The following TMEM45A variants were observed in gnomAD, a reference collection of about 807,000 sequenced individuals.
TMEM45A encodes the protein DNA polymerase-transactivated protein 4.
In TMEM45A, 25 loss-of-function variants were observed where a neutral mutation model predicts 32.0. The ratio of observed to expected loss-of-function variants is 0.78; its 90% confidence interval spans 0.57 to 1.09. The LOEUF (loss-of-function observed/expected upper bound fraction) is 1.09, where lower values mean the gene tolerates loss of function less well. TMEM45A is among the 50% of genes least tolerant of loss of function. TMEM45A has a pLI of 0.00. For missense variants in TMEM45A, 302 were observed against 325.0 expected (o/e 0.93, Z 0.54); for synonymous variants, 122 against 114.8 (o/e 1.06, Z -0.40).
At chr3:100,502,971 TCTCCTTCTCCTCTTC>T (rs1708026245) in intron 1 of TMEM45A, among the ~76,000 whole-genome samples, 1 of 151,322 alleles carries the variant, frequency 6.6e-6, no homozygotes, top group Non-Finnish European at 1.5e-5. Context: ...TTCTCCTCCT[TCTCCTTCTCCTCTTC>T]CTCCTTCTCC....
chr3:100,507,382 A>G (rs1410343864), intron 1 of TMEM45A, among the ~76,000 whole-genome samples: 1 of 152,216 alleles, frequency 6.6e-6, no homozygotes, highest in Non-Finnish European at 1.5e-5. Flanking sequence ...TGTAGCCCAG[A>G]TGAATTTGTG....
chr3:100,577,011 A>G lies in TMEM45A; in HGVS notation c.821A>G (p.Glu274Gly), dbSNP rs779245504. The change falls in exon 6 of 6, where the codon GAA (glutamate) becomes GGA (glycine). Residue 274 changes from glutamate to glycine, a missense_variant. By Grantham distance (98) the Glu-to-Gly change is moderately conservative (BLOSUM62 -2). Coordinates refer to ENST00000323523, the MANE Select transcript of TMEM45A (RefSeq NM_018004.3). ...GAACGAGAACAAGAATCAGAAGAAG[A>G]AATGTGACTTTGATGAGCTTCCAGT... ...NAEREQESEE[E>G]M 1 of 1,612,442 alleles carries G rather than the reference A, an allele frequency of 6.2e-7. No individual in the cohort carries two copies. Among genetic ancestry groups the G allele is most frequent in the Non-Finnish European group, 8.5e-7 (1 of 1,179,496 alleles).
rs1403581018 is a variant in TMEM45A at position 100,510,350 on chromosome 3, C to A, written c.-4+17422C>A. Among the ~76,000 whole-genome samples, 785 of 152,302 alleles carry A rather than the reference C, an allele frequency of 5.2e-3. 5 individuals carry two copies. Among genetic ancestry groups the A allele is most frequent in the Non-Finnish European group, 8.0e-3 (544 of 68,030 alleles). On this transcript the variant is annotated intron_variant, in intron 1 of 5. Transcript: ENST00000323523. ...AGCCTAACTGGGAGGCACCCCCCAG[C>A]AGGGGCAGACTGACACCTCACATGG... is the stretch of plus-strand genomic sequence containing the variant.
chr3:100,524,987 G>A (rs1705512698), intron 1 of TMEM45A, among the ~76,000 whole-genome samples: 1 of 152,088 alleles, frequency 6.6e-6, no homozygotes, highest in African/African-American at 2.4e-5. Context: ...CCAGGAGTTG[G>A]AGACAAGTCT....
intron 2 of TMEM45A, 73 bp from the exon 3 acceptor site, chr3:100,556,687 G>C (rs527945200): frequency 7.4e-7 from 1 of 1,352,284 alleles, no homozygotes; most frequent in Non-Finnish European, 1.0e-6. Flanking sequence ...ATAAGCAATG[G>C]ACTAGTCCTC....
chr3:100,515,819 A>G (rs1708253407), intron 1 of TMEM45A, among the ~76,000 whole-genome samples: 1 of 152,142 alleles, frequency 6.6e-6, no homozygotes, highest in Non-Finnish European at 1.5e-5. Flanking sequence ...AGAGAGTAGA[A>G]TGGTGGTTAC....
intron 1 of TMEM45A, among the ~76,000 whole-genome samples, chr3:100,518,272 A>T (rs1397734761): frequency 6.6e-6 from 1 of 152,208 alleles, no homozygotes; most frequent in African/African-American, 2.4e-5. Context: ...TCAAGGGCCC[A>T]TTTCCTCACT....
At chr3:100,557,141 A>C (rs1460252848) in intron 3 of TMEM45A, among the ~76,000 whole-genome samples, 169 bp downstream of exon 3, 1 of 152,236 alleles carries the variant, frequency 6.6e-6, no homozygotes, top group African/African-American at 2.4e-5. Flanking sequence ...AAAAATCTAC[A>C]TGCTGTACTG....
At chr3:100,505,147 T>C (rs1436383641) in intron 1 of TMEM45A, among the ~76,000 whole-genome samples, 1 of 152,156 alleles carries the variant, frequency 6.6e-6, no homozygotes, top group Non-Finnish European at 1.5e-5. Flanking sequence ...AACACAAATT[T>C]TGGTTAAACA....
chr3:100,551,235 G>A (rs1457721703), intron 1 of TMEM45A, among the ~76,000 whole-genome samples: 4 of 152,040 alleles, frequency 2.6e-5, no homozygotes, highest in African/African-American at 7.2e-5. Context: ...GGATGGTCTC[G>A]ATCTCCTGAC....
At chr3:100,529,935 A>G (rs1353575149) in intron 1 of TMEM45A, among the ~76,000 whole-genome samples, 1 of 152,026 alleles carries the variant, frequency 6.6e-6, no homozygotes, top group Non-Finnish European at 1.5e-5. Context: ...GATTTCTGAT[A>G]TTTTGTTCTA....
intron 1 of TMEM45A, among the ~76,000 whole-genome samples, chr3:100,527,426 C>T (rs997234083): frequency 4.6e-5 from 7 of 152,194 alleles, no homozygotes; most frequent in African/African-American, 9.6e-5. Flanking sequence ...TACTTTGGGC[C>T]CAAGACTTTG....
chr3:100,510,259 C>CAGCTGGAGATCTGAG (rs1708138282), intron 1 of TMEM45A, among the ~76,000 whole-genome samples: 2 of 152,224 alleles, frequency 1.3e-5, no homozygotes, highest in African/African-American at 2.4e-5. Flanking sequence ...TCCCAGCATG[C>CAGCTGGAGATCTGAG]AGCTGGAGAT....
intron 1 of TMEM45A, among the ~76,000 whole-genome samples, chr3:100,544,077 G>GT (rs147012692): frequency 0.074 from 10,914 of 148,214 alleles, 1,342 homozygotes; most frequent in African/African-American, 0.27. Flanking sequence ...AGTTTTAAGT[G>GT]GTTTTTTTTT....
chr3:100,539,103 A>C (rs1418710367), intron 1 of TMEM45A, among the ~76,000 whole-genome samples: 1 of 152,164 alleles, frequency 6.6e-6, no homozygotes. Flanking sequence ...ACTGATTCTA[A>C]AGTTTATATG....
At chr3:100,537,112 G>A (rs574867390) in intron 1 of TMEM45A, among the ~76,000 whole-genome samples, 2 of 151,974 alleles carry the variant, frequency 1.3e-5, no homozygotes, top group African/African-American at 2.4e-5. Context: ...TAGTAGAGAC[G>A]GGGTTTCACC....
chr3:100,547,364 C>T (rs959411387), intron 1 of TMEM45A, among the ~76,000 whole-genome samples: 3 of 152,128 alleles, frequency 2.0e-5, no homozygotes, highest in East Asian at 1.9e-4. Context: ...TCATGTTCTG[C>T]GTGCCTCAGC....
chr3:100,562,151 A>G (rs1706348812), intron 4 of TMEM45A, among the ~76,000 whole-genome samples: 1 of 152,220 alleles, frequency 6.6e-6, no homozygotes, highest in Non-Finnish European at 1.5e-5. Context: ...AGCTTAAACT[A>G]GTCGAAACCA....
At chr3:100,550,720 G>A (rs1339277985) in intron 1 of TMEM45A, among the ~76,000 whole-genome samples, 1 of 152,206 alleles carries the variant, frequency 6.6e-6, no homozygotes, top group Non-Finnish European at 1.5e-5. Context: ...TAGCACCTGA[G>A]TTAGATCTTG....
Sources: gnomAD v4.1 joint callset for allele counts (sites outside exome capture counted in the v4.1 genomes callset) on GRCh38, gnomAD v4.1.1 for gene constraint, MANE v1.5 for transcripts, NCBI Gene and HGNC (gene_info 2026-07-23, HGNC 2026-07-21) for gene names.